The following E2F3 variants were observed in gnomAD, a reference collection of about 807,000 sequenced individuals.
E2F3 encodes transcription factor E2F3.
Under a neutral mutation model 44.4 loss-of-function variants are expected in E2F3, and 11 were observed. The ratio of observed to expected loss-of-function variants is 0.25; its 90% CI spans 0.16 to 0.41. The LOEUF (loss-of-function observed/expected upper bound fraction) is 0.41. E2F3 is among the 10% of genes least tolerant of loss of function. The pLI, the probability that E2F3 is intolerant of heterozygous loss-of-function variation, is 1.00. For synonymous variants in E2F3, 249 were observed against 253.0 expected (o/e 0.98, Z 0.15); for missense variants, 487 against 583.6 (o/e 0.83, Z 1.70).
intron 1 of E2F3, among the ~76,000 whole-genome samples, chr6:20,431,079 A>G (rs1374751242): frequency 6.6e-6 from 1 of 152,170 alleles, no homozygotes; most frequent in Non-Finnish European, 1.5e-5. Flanking sequence ...AAAAGGCCCA[A>G]CCAAAATTCT....
At position 20,491,143 on chromosome 6, in the gene E2F3, TG is replaced by T; in HGVS notation, c.*714del. 4.3e-6 allele frequency: 1 copy of T among 232,274 alleles called. No homozygotes were observed. Among genetic ancestry groups the T allele is most frequent in the Middle Eastern group, 1.3e-3 (1 of 774 alleles). The allele number at this position is 232,274 out of a possible 1,614,324, so 14.4% of individuals were successfully genotyped here. A position where few individuals can be genotyped will look rare whatever the true frequency, so the allele number is the denominator to read the frequency against. Reference sequence around the variant, plus strand: ...GCTGTTGTGGATTTTCCTGTCTCCATGAACCACTCCCATTCCCCCGTCCCCA... The same window carrying T: ...GCTGTTGTGGATTTTCCTGTCTCCATAACCACTCCCATTCCCCCGTCCCCA... On this transcript the variant is annotated 3_prime_UTR_variant, in exon 7 of 7. Coordinates refer to ENST00000346618, the MANE Select transcript of E2F3 (RefSeq NM_001949.5).
At chr6:20,469,244 A>G (rs1561876955) in intron 1 of E2F3, among the ~76,000 whole-genome samples, 1 of 152,244 alleles carries the variant, frequency 6.6e-6, no homozygotes, top group Non-Finnish European at 1.5e-5. Flanking sequence ...TATTTAACCA[A>G]AACTAATTAT....
Position 20,480,022 on chromosome 6 carries a change from T to A in E2F3, c.505+65T>A, listed in dbSNP as rs1329361394. ...TGGCATTTCCAAGTTTCAAAGCTTA[T>A]GGCCGGAAGGATGCCAAGGTGTGAA... On this transcript the variant is annotated intron_variant, in intron 2 of 6. Coordinates refer to ENST00000346618, the MANE Select transcript of E2F3 (RefSeq NM_001949.5). 2.6e-6 allele frequency: 4 copies of A among 1,536,632 alleles called. No individual in the cohort carries two copies. The African/African-American group carries it at 5.5e-5, about 21-fold the overall frequency.
intron 1 of E2F3, among the ~76,000 whole-genome samples, chr6:20,455,088 T>G (rs1761266489): frequency 6.6e-6 from 1 of 152,184 alleles, no homozygotes; most frequent in South Asian, 2.1e-4. Context: ...ATAATAAGAA[T>G]TATAAGAGGG....
At chr6:20,480,359 C>T (rs780271199) in intron 2 of E2F3, among the ~76,000 whole-genome samples, 2 of 152,288 alleles carry the variant, frequency 1.3e-5, no homozygotes, top group South Asian at 2.1e-4. Flanking sequence ...CATATGATAG[C>T]GTAAGAATTG....
chr6:20,458,328 G>A (rs1761383643), intron 1 of E2F3, among the ~76,000 whole-genome samples: 1 of 152,128 alleles, frequency 6.6e-6, no homozygotes, highest in Non-Finnish European at 1.5e-5. Flanking sequence ...GATTTTGAAA[G>A]AGAAGACTCA....
chr6:20,403,685 A>G (rs1172347730), intron 1 of E2F3: 1 of 334,644 alleles, frequency 3.0e-6, no homozygotes, highest in Non-Finnish European at 5.4e-6. Flanking sequence ...CGGCACCGCC[A>G]CCCTCCCTCT....
rs1306699179 is a variant in E2F3, at chr6:20,481,216, T to C, written c.516T>C (p.Ser172=). 1.2e-6 allele frequency: 2 copies of C among 1,613,632 alleles called. No homozygotes were observed. The highest frequency in any genetic ancestry group is 1.7e-6 in the Non-Finnish European group (2 of 1,179,730). ...RSPDSPKTPK[S]PSEKTRYDTS... ...TTGTTTTTCTTTAAGCTCCAAAATC[T>C]CCCTCAGAAAAAACGCGGTATGATA... Residue 172 remains serine (S), a synonymous_variant, in exon 3 of 7, where the codon TCT becomes TCC. Transcript: ENST00000346618.
At chr6:20,453,621 A>G (rs1761214965) in intron 1 of E2F3, among the ~76,000 whole-genome samples, 1 of 152,080 alleles carries the variant, frequency 6.6e-6, no homozygotes, top group East Asian at 1.9e-4. Flanking sequence ...TACATTGTCC[A>G]GGCTGGTCTC....
At chr6:20,446,585 A>T (rs919699975) in intron 1 of E2F3, among the ~76,000 whole-genome samples, 1 of 152,204 alleles carries the variant, frequency 6.6e-6, no homozygotes, top group Non-Finnish European at 1.5e-5. Context: ...TTAGAGACAG[A>T]GTCTTGCTGT....
At chr6:20,460,995 C>CA (rs1761484674) in intron 1 of E2F3, among the ~76,000 whole-genome samples, 1 of 22,666 alleles carries the variant, frequency 4.4e-5, no homozygotes, top group Non-Finnish European at 7.1e-5. Context: ...GACTCTATCT[C>CA]CAAAAAAAAA....
intron 1 of E2F3, among the ~76,000 whole-genome samples, chr6:20,413,768 G>A (rs866644898): frequency 2.0e-5 from 3 of 152,196 alleles, no homozygotes; most frequent in African/African-American, 7.2e-5. Context: ...ATGTGAATAC[G>A]AGGACCAGAG....
In E2F3 at chr6:20,457,211, G is replaced by T. The variant is rs1405139121; in HGVS notation, c.394-22635G>T. On this transcript the variant is annotated intron_variant, in intron 1 of 6. Transcript: ENST00000346618. ...TCTTTTTGAGAAGAAGTCTTACTCT[G>T]TTGCCCAGGCTGGAGTACAGTGGTC... Among the ~76,000 whole-genome samples the T allele has an allele frequency of 5.3e-5, 8 of 151,750 alleles. No individual in the cohort carries two copies. The East Asian group carries it at 9.7e-4, about 18-fold the overall frequency.
At chr6:20,459,047 T>C (rs1304183481) in intron 1 of E2F3, among the ~76,000 whole-genome samples, 1 of 151,890 alleles carries the variant, frequency 6.6e-6, no homozygotes, top group Admixed American at 6.6e-5. Flanking sequence ...CTGGATCACC[T>C]GAGGTCAGTA....
intron 1 of E2F3, among the ~76,000 whole-genome samples, chr6:20,450,438 T>A (rs61289289): frequency 0.02 from 3,086 of 152,314 alleles, 106 homozygotes; most frequent in African/African-American, 0.07. Context: ...GAAAAGTGTC[T>A]GCTCATGTCC....
At chr6:20,433,862 G>T (rs1439307075) in intron 1 of E2F3, among the ~76,000 whole-genome samples, 2 of 152,188 alleles carry the variant, frequency 1.3e-5, no homozygotes, top group African/African-American at 4.8e-5. Context: ...GTGGAATTAT[G>T]TGAAAAGAGA....
intron 1 of E2F3, among the ~76,000 whole-genome samples, chr6:20,420,491 A>T (rs1346627866): frequency 6.6e-6 from 1 of 152,064 alleles, no homozygotes; most frequent in Non-Finnish European, 1.5e-5. Context: ...TACCTCAGAG[A>T]TATTGCAGGT....
chr6:20,430,243 T>C (rs1173860119), intron 1 of E2F3, among the ~76,000 whole-genome samples: 1 of 152,218 alleles, frequency 6.6e-6, no homozygotes, highest in Non-Finnish European at 1.5e-5. Context: ...GATATAGATA[T>C]TTTTTAAATT....
chr6:20,457,214 G>T lies in E2F3; in HGVS notation c.394-22632G>T, dbSNP rs1031398644. The stretch of plus-strand genomic sequence containing the variant: ...TTTTGAGAAGAAGTCTTACTCTGTT[G>T]CCCAGGCTGGAGTACAGTGGTCCCA... On this transcript the variant is annotated intron_variant, in intron 1 of 6. Coordinates refer to ENST00000346618, the MANE Select transcript of E2F3 (RefSeq NM_001949.5). Among the ~76,000 whole-genome samples, 7 of 151,726 alleles carry T rather than the reference G, an allele frequency of 4.6e-5. No individual in the cohort carries two copies. The East Asian group carries it at 9.7e-4, about 21-fold the overall frequency.
Sources: gnomAD v4.1 joint callset for allele counts (sites outside exome capture counted in the v4.1 genomes callset) on GRCh38, gnomAD v4.1.1 for gene constraint, MANE v1.5 for transcripts, NCBI Gene and HGNC (gene_info 2026-07-23, HGNC 2026-07-21) for gene names.